Variants in LOC128706665 observed in about 807,000 individuals in gnomAD.
At chr20:10,432,158 G>A in the LOC128706665 span, among the ~76,000 whole-genome samples, 3 of 152,218 alleles carry the variant, frequency 2.0e-5, no homozygotes, top group Non-Finnish European at 4.4e-5. Flanking sequence ...CAATCAAGGG[G>A]TATAAAAGCC....
the LOC128706665 span, among the ~76,000 whole-genome samples, chr20:10,420,279 C>A: frequency 6.6e-6 from 1 of 151,964 alleles, no homozygotes; most frequent in South Asian, 2.1e-4. Flanking sequence ...CATTCATGAT[C>A]CTGGTGATGC....
At chr20:10,414,056 C>T in the LOC128706665 span, 3 of 373,918 alleles carry the variant, frequency 8.0e-6, no homozygotes, top group Non-Finnish European at 1.4e-5. Flanking sequence ...CTGGCACAAA[C>T]GTCCAGAAAA....
chr20:10,423,351 G>A, the LOC128706665 span, among the ~76,000 whole-genome samples: 2 of 152,138 alleles, frequency 1.3e-5, no homozygotes, highest in African/African-American at 4.8e-5. Flanking sequence ...GACCTTGGGA[G>A]GCTGAGGCTG....
chr20:10,415,221 C>T, the LOC128706665 span, among the ~76,000 whole-genome samples: 4 of 152,024 alleles, frequency 2.6e-5, no homozygotes, highest in East Asian at 1.9e-4. Context: ...GTATATTATT[C>T]GTTAGTATTT....
At chr20:10,419,390 C>T in the LOC128706665 span, among the ~76,000 whole-genome samples, 4 of 151,962 alleles carry the variant, frequency 2.6e-5, 1 homozygote, top group East Asian at 1.9e-4. Flanking sequence ...TATAGTATAA[C>T]GCTATATTAT....
the LOC128706665 span, among the ~76,000 whole-genome samples, chr20:10,432,884 A>C: frequency 6.6e-6 from 1 of 151,906 alleles, no homozygotes; most frequent in Admixed American, 6.6e-5. Context: ...GCTACTTATA[A>C]TACCTAATAC....
At chr20:10,419,486 C>A in the LOC128706665 span, among the ~76,000 whole-genome samples, 1 of 152,066 alleles carries the variant, frequency 6.6e-6, no homozygotes, top group African/African-American at 2.4e-5. Context: ...AGTGACCTCC[C>A]CCATTTATCT....
At chr20:10,417,245 T>TAA in the LOC128706665 span, among the ~76,000 whole-genome samples, 36 of 132,420 alleles carry the variant, frequency 2.7e-4, 1 homozygote, top group African/African-American at 9.6e-4. Context: ...GACTCCATCT[T>TAA]AAAAAAAAAA....
chr20:10,415,622 T>C, the LOC128706665 span, among the ~76,000 whole-genome samples: 4 of 152,320 alleles, frequency 2.6e-5, no homozygotes, highest in African/African-American at 9.6e-5. Context: ...TTCAGCAAAA[T>C]CTGAGAAATA....
chr20:10,427,567 T>A, the LOC128706665 span, among the ~76,000 whole-genome samples: 1 of 152,238 alleles, frequency 6.6e-6, no homozygotes, highest in Non-Finnish European at 1.5e-5. Context: ...ATCATCAACA[T>A]TCAAAAGTTA....
At chr20:10,424,731 T>C in the LOC128706665 span, among the ~76,000 whole-genome samples, 1 of 152,176 alleles carries the variant, frequency 6.6e-6, no homozygotes, top group Non-Finnish European at 1.5e-5. Flanking sequence ...CTTTTTTTCT[T>C]CTTAGTTCCT....
chr20:10,433,652 C>T, the LOC128706665 span, among the ~76,000 whole-genome samples: 2 of 152,168 alleles, frequency 1.3e-5, no homozygotes, highest in African/African-American at 2.4e-5. Context: ...ACGTAGCTGG[C>T]AGGGCCACGC....
chr20:10,422,991 G>A, the LOC128706665 span, among the ~76,000 whole-genome samples: 2 of 152,116 alleles, frequency 1.3e-5, no homozygotes, highest in African/African-American at 4.8e-5. Context: ...GATTACAGGT[G>A]TGAGCCACTG....
At chr20:10,415,963 A>T in the LOC128706665 span, among the ~76,000 whole-genome samples, 1 of 152,150 alleles carries the variant, frequency 6.6e-6, no homozygotes, top group African/African-American at 2.4e-5. Context: ...CCTGAACAAA[A>T]GAAGGTACAA....
the LOC128706665 span, among the ~76,000 whole-genome samples, chr20:10,428,621 T>C: frequency 2.4e-4 from 36 of 152,240 alleles, 1 homozygote; most frequent in Middle Eastern, 0.01. Flanking sequence ...GGTGGATCAC[T>C]TGAGGTCAGG....
the LOC128706665 span, among the ~76,000 whole-genome samples, chr20:10,414,852 T>C: frequency 6.6e-6 from 1 of 152,330 alleles, no homozygotes; most frequent in Non-Finnish European, 1.5e-5. Flanking sequence ...TCAGAGCTAA[T>C]TTTCTATCAT....
the LOC128706665 span, among the ~76,000 whole-genome samples, chr20:10,426,658 A>G: frequency 4.6e-5 from 7 of 152,330 alleles, 1 homozygote; most frequent in African/African-American, 1.7e-4. Flanking sequence ...TCAGCCTCCC[A>G]AAGTGCTGGG....
At chr20:10,431,573 C>T in the LOC128706665 span, 1 of 143,322 alleles carries the variant, frequency 7.0e-6, no homozygotes, top group African/African-American at 2.8e-5. Context: ...AAACCAAACC[C>T]GCACAAAAAA....
the LOC128706665 span, chr20:10,431,889 C>G: frequency 6.6e-6 from 1 of 152,038 alleles, no homozygotes; most frequent in Non-Finnish European, 1.5e-5. Flanking sequence ...CTCAGAGAGC[C>G]TTTCTCTCAG....
Sources: gnomAD v4.1 joint callset for allele counts (sites outside exome capture counted in the v4.1 genomes callset) on GRCh38, gnomAD v4.1.1 for gene constraint, MANE v1.5 for transcripts.